Variants in ASIC2 observed in about 807,000 individuals in gnomAD.
ASIC2 encodes the protein acid-sensing ion channel 2.
In ASIC2, 25 loss-of-function variants were observed where a neutral mutation model predicts 57.3. The ratio of observed to expected loss-of-function variants is 0.44; its 90% CI spans 0.32 to 0.61. The LOEUF is 0.61. ASIC2 is among the 20% of genes least tolerant of loss of function. ASIC2 has a pLI of 0.06. For synonymous variants in ASIC2, 319 were observed against 307.5 expected, an observed-to-expected ratio of 1.04 and a Z score of -0.39; for missense variants, 641 against 738.1, an observed-to-expected ratio of 0.87 and a Z score of 1.52.
At chr17:33,178,590 T>A (rs926665818) in intron 1 of ASIC2, among the ~76,000 whole-genome samples, 1 of 152,122 alleles carries the variant, frequency 6.6e-6, no homozygotes, top group Non-Finnish European at 1.5e-5. Context: ...AGTCTTGAGG[T>A]CAGGAAAGAA....
intron 1 of ASIC2, among the ~76,000 whole-genome samples, chr17:33,376,571 G>A (rs182040359): frequency 4.3e-4 from 66 of 152,202 alleles, no homozygotes; most frequent in Non-Finnish European, 7.9e-4. Context: ...TCAATCCATC[G>A]CAATTCTGAG....
chr17:33,103,152 GGAGGCA>G (rs2092220481), intron 2 of ASIC2, among the ~76,000 whole-genome samples: 1 of 152,090 alleles, frequency 6.6e-6, no homozygotes, highest in African/African-American at 2.4e-5. Context: ...TTGTGGTTAT[GGAGGCA>G]GTATCATCTC....
At chr17:33,772,890 TC>T (rs1303222496) in intron 1 of ASIC2, among the ~76,000 whole-genome samples, 1 of 152,102 alleles carries the variant, frequency 6.6e-6, no homozygotes, top group Non-Finnish European at 1.5e-5. Flanking sequence ...ACCGGATACT[TC>T]CCAAAGAATG....
At chr17:33,805,896 CT>C (rs1302287101) in intron 1 of ASIC2, among the ~76,000 whole-genome samples, 1 of 152,204 alleles carries the variant, frequency 6.6e-6, no homozygotes, top group Non-Finnish European at 1.5e-5. Context: ...AAATATTGAT[CT>C]TGCTTAAAGC....
At chr17:33,161,133 G>T (rs1259768788) in intron 1 of ASIC2, among the ~76,000 whole-genome samples, 1 of 152,206 alleles carries the variant, frequency 6.6e-6, no homozygotes, top group Non-Finnish European at 1.5e-5. Context: ...CAGGGTGAAA[G>T]AATCAGGAAT....
chr17:33,623,633 A>G (rs1276779023), intron 1 of ASIC2: 1 of 152,114 alleles, frequency 6.6e-6, no homozygotes, highest in Non-Finnish European at 1.5e-5. Flanking sequence ...AGCTAGGGCA[A>G]CCTGGAAATG....
rs145766933 is a variant in ASIC2 at position 33,789,464 on chromosome 17, T to TCTCACACACACACACACA, written c.555+366513_555+366514insTGTGTGTGTGTGTGTGAG. Among the ~76,000 whole-genome samples the TCTCACACACACACACACA allele has an allele frequency of 1.7e-4, 24 of 144,510 alleles. 1 individual carries two copies. Among genetic ancestry groups the TCTCACACACACACACACA allele is most frequent in the Admixed American group, 4.1e-4 (6 of 14,498 alleles). 94.8% of individuals were successfully genotyped at this position (144,510 alleles called of 152,430 possible). ...TGTGAGATTTAGCAGAGAATCATGG[T>TCTCACACACACACACACA]CACACACACACACACACACACACAC... On this transcript the variant is annotated intron_variant, in intron 1 of 9. Coordinates refer to the ASIC2 transcript ENST00000359872.
intron 1 of ASIC2, chr17:33,569,404 A>G (rs1013008094): frequency 3.9e-5 from 6 of 152,440 alleles, no homozygotes; most frequent in Admixed American, 1.3e-4. Flanking sequence ...TCTGTGATCA[A>G]TGAGCCCCTG....
chr17:33,102,782 G>A (rs150283231), intron 2 of ASIC2, among the ~76,000 whole-genome samples: 46 of 152,072 alleles, frequency 3.0e-4, no homozygotes, highest in Non-Finnish European at 6.2e-4. Context: ...TTGTTTGTTT[G>A]TTTATTTATT....
intron 1 of ASIC2, among the ~76,000 whole-genome samples, chr17:33,734,810 C>T (rs567256914): frequency 1.3e-5 from 2 of 152,234 alleles, no homozygotes; most frequent in East Asian, 3.9e-4. Flanking sequence ...AGAGGTCTCA[C>T]CCAAAACCAA....
intron 1 of ASIC2, among the ~76,000 whole-genome samples, chr17:33,797,634 C>T (rs932340076): frequency 3.3e-5 from 5 of 152,202 alleles, no homozygotes; most frequent in African/African-American, 9.7e-5. Context: ...ACTGGTCCAA[C>T]AGATATTTTA....
intron 1 of ASIC2, among the ~76,000 whole-genome samples, chr17:33,419,869 G>GA (rs934204573): frequency 2.2e-4 from 33 of 147,258 alleles, no homozygotes; most frequent in East Asian, 5.9e-4. Context: ...ACATATTAAG[G>GA]AAAAAAAAAA....
chr17:33,521,136 C>T (rs1914727482), intron 1 of ASIC2, among the ~76,000 whole-genome samples: 1 of 152,088 alleles, frequency 6.6e-6, no homozygotes, highest in African/African-American at 2.4e-5. Context: ...GATTAGGTCT[C>T]GGGACTTGGG....
intron 1 of ASIC2, among the ~76,000 whole-genome samples, chr17:33,674,866 C>T (rs1032077221): frequency 6.6e-6 from 1 of 152,098 alleles, no homozygotes; most frequent in African/African-American, 2.4e-5. Context: ...TGGTCTGAGC[C>T]CAGAAATTGA....
intron 1 of ASIC2, among the ~76,000 whole-genome samples, chr17:33,244,986 A>G (rs970898097): frequency 2.0e-5 from 3 of 152,204 alleles, no homozygotes; most frequent in African/African-American, 7.2e-5. Flanking sequence ...ACATAACAAA[A>G]GCGTTAAACT....
chr17:33,853,890 A>G (rs1913843229), intron 1 of ASIC2, among the ~76,000 whole-genome samples: 1 of 152,194 alleles, frequency 6.6e-6, no homozygotes, highest in African/African-American at 2.4e-5. Flanking sequence ...CTTAACCTTG[A>G]CACCTTAAGT....
chr17:33,094,277 T>C lies in ASIC2; in HGVS notation c.860-5287A>G, dbSNP rs73982421. 4.4e-3 allele frequency among the ~76,000 whole-genome samples: 666 copies of C among 152,232 alleles called. 8 individuals carry two copies. Among genetic ancestry groups the C allele is most frequent in the African/African-American group, 0.016 (645 of 41,534 alleles). Reference sequence around the variant, plus strand: ...CTCTCAACTCCATTTGCTGGGTCACTGTGGGTTAGCTGCATGTCACTTTGG... The same window carrying C: ...CTCTCAACTCCATTTGCTGGGTCACCGTGGGTTAGCTGCATGTCACTTTGG... On this transcript the variant is annotated intron_variant, in intron 2 of 9. Transcript: ENST00000225823.
At chr17:34,090,969 AC>A in intron 1 of ASIC2, among the ~76,000 whole-genome samples, 1 of 152,204 alleles carries the variant, frequency 6.6e-6, no homozygotes, top group South Asian at 2.1e-4. Flanking sequence ...TAAATACTGG[AC>A]TAGGGCCAGA....
At chr17:33,263,980 G>A (rs1909375291) in intron 1 of ASIC2, among the ~76,000 whole-genome samples, 1 of 152,216 alleles carries the variant, frequency 6.6e-6, no homozygotes, top group African/African-American at 2.4e-5. Flanking sequence ...AGAGCTTTGG[G>A]CTGGCATCTC....
Sources: gnomAD v4.1 joint callset for allele counts (sites outside exome capture counted in the v4.1 genomes callset) on GRCh38, gnomAD v4.1.1 for gene constraint, MANE v1.5 for transcripts, NCBI Gene and HGNC (gene_info 2026-07-23, HGNC 2026-07-21) for gene names.